The following SMAD2 variants were observed in gnomAD, a reference collection of about 807,000 sequenced individuals.
SMAD2 encodes MAD homolog 2.
Under a neutral mutation model 64.4 loss-of-function variants are expected in SMAD2, and 8 were observed. That is an observed-to-expected ratio of 0.12 (90% CI 0.07 to 0.22). The LOEUF is 0.22. SMAD2 is among the 10% of genes least tolerant of loss of function. The pLI, the probability that SMAD2 is intolerant of heterozygous loss-of-function variation, is 1.00. For missense variants in SMAD2, 289 were observed against 561.2 expected (o/e 0.51, Z 4.90); for synonymous variants, 203 against 195.8 (o/e 1.04, Z -0.31).
At chr18:47,860,965 G>C (rs2031131952) in intron 6 of SMAD2, among the ~76,000 whole-genome samples, 1 of 152,016 alleles carries the variant, frequency 6.6e-6, no homozygotes, top group Admixed American at 6.6e-5. Flanking sequence ...CCTATAATCA[G>C]AACAATGCAA....
chr18:47,925,691 CA>C (rs914114848), intron 1 of SMAD2, among the ~76,000 whole-genome samples: 7 of 151,870 alleles, frequency 4.6e-5, no homozygotes, highest in African/African-American at 9.7e-5. Context: ...ATTTTTAAAC[CA>C]AAAAGGCTAG....
At chr18:47,888,198 GA>G (rs902538085) in intron 2 of SMAD2, among the ~76,000 whole-genome samples, 28 of 143,068 alleles carry the variant, frequency 2.0e-4, no homozygotes, top group South Asian at 4.4e-4. Flanking sequence ...GGAAAAAAGG[GA>G]AAAAAAAAAA....
intron 6 of SMAD2, among the ~76,000 whole-genome samples, chr18:47,852,955 A>C (rs2144323795): frequency 6.6e-6 from 1 of 152,322 alleles, no homozygotes; most frequent in East Asian, 1.9e-4. Flanking sequence ...TTTTATGATC[A>C]TCATTCTCTA....
intron 1 of SMAD2, among the ~76,000 whole-genome samples, chr18:47,902,270 A>G (rs995318105): frequency 7.2e-5 from 11 of 152,092 alleles, no homozygotes; most frequent in African/African-American, 2.4e-4. Flanking sequence ...GCTTTCTTTA[A>G]TCATTTTTAC....
intron 8 of SMAD2, among the ~76,000 whole-genome samples, chr18:47,846,324 CTTCT>C (rs1166234713): frequency 6.6e-6 from 1 of 151,972 alleles, no homozygotes; most frequent in Non-Finnish European, 1.5e-5. Flanking sequence ...TTTTAATATA[CTTCT>C]TTCAGAATCT....
intron 2 of SMAD2, among the ~76,000 whole-genome samples, chr18:47,876,886 C>G (rs1355817365): frequency 6.6e-6 from 1 of 152,008 alleles, no homozygotes; most frequent in Non-Finnish European, 1.5e-5. Context: ...GGTCAATTTA[C>G]TACTTTTTTT....
chr18:47,903,367 AG>A (rs2033766352), intron 1 of SMAD2, among the ~76,000 whole-genome samples: 2 of 145,966 alleles, frequency 1.4e-5, no homozygotes, highest in Admixed American at 1.4e-4. Flanking sequence ...CTAGAGAAAG[AG>A]GGGGTGGGGG....
chr18:47,920,014 G>A (rs1014492027), intron 1 of SMAD2: 5 of 152,062 alleles, frequency 3.3e-5, no homozygotes, highest in African/African-American at 9.7e-5. Context: ...AGTTCAGGAC[G>A]GTATAACAAA....
At chr18:47,853,927 A>G (rs1423401529) in intron 6 of SMAD2, among the ~76,000 whole-genome samples, 6 of 152,192 alleles carry the variant, frequency 3.9e-5, no homozygotes, top group East Asian at 1.9e-4. Flanking sequence ...CCAACTATTC[A>G]TATCTTTTAA....
chr18:47,842,281 C>T (rs936885505), intron 10 of SMAD2, among the ~76,000 whole-genome samples: 5 of 152,142 alleles, frequency 3.3e-5, no homozygotes, highest in African/African-American at 9.7e-5. Context: ...GTGGCTCACA[C>T]CTGTAAGCCC....
chr18:47,879,967 T>C (rs549220316), intron 2 of SMAD2, among the ~76,000 whole-genome samples: 1 of 152,340 alleles, frequency 6.6e-6, no homozygotes, highest in South Asian at 2.1e-4. Context: ...ATTTCTTTAC[T>C]GGACCTTTAT....
intron 6 of SMAD2, among the ~76,000 whole-genome samples, chr18:47,851,873 T>C (rs920398371): frequency 3.0e-4 from 45 of 152,176 alleles, no homozygotes; most frequent in Non-Finnish European, 5.4e-4. Flanking sequence ...TTTGCACGCT[T>C]CCAATCACAT....
Position 47,828,962 on chromosome 18 carries a change from A to AAAAAT in SMAD2, c.*12864_*12865insATTTT, listed in dbSNP as rs34899349. The AAAAAT allele has an allele frequency of 7.0e-6, 1 of 143,652 alleles. No homozygotes were observed. Among genetic ancestry groups the AAAAAT allele is most frequent in the African/African-American group, 2.6e-5 (1 of 38,278 alleles). The allele number at this position is 143,652 out of a possible 1,614,324, so 8.9% of individuals were successfully genotyped here. ...AAAAAAAAAAAAAAAAAAAAAAAAAAGACTTTAGTTCAAGTTGAGACCAAA... is the reference window on the plus strand; with the variant it reads ...AAAAAAAAAAAAAAAAAAAAAAAAAAAAAATGACTTTAGTTCAAGTTGAGACCAAA... On this transcript the variant is annotated 3_prime_UTR_variant, in exon 11 of 11. Coordinates refer to ENST00000262160, the MANE Select transcript of SMAD2 (RefSeq NM_005901.6).
At chr18:47,864,966 T>G in intron 6 of SMAD2, 93 bp downstream of exon 6, 2 of 779,948 alleles carry the variant, frequency 2.6e-6, no homozygotes, top group Non-Finnish European at 4.5e-6. Flanking sequence ...TCTCAACTTC[T>G]CTAAATTTAA....
chr18:47,906,195 G>A (rs1444886066), intron 1 of SMAD2, among the ~76,000 whole-genome samples: 4 of 151,644 alleles, frequency 2.6e-5, no homozygotes, highest in Admixed American at 6.6e-5. Context: ...AATCTAAAAT[G>A]CTCCAAAATC....
chr18:47,828,960 A>C lies in SMAD2; in HGVS notation c.*12867T>G. On this transcript the variant is annotated 3_prime_UTR_variant, in exon 11 of 11. Coordinates refer to ENST00000262160, the MANE Select transcript of SMAD2 (RefSeq NM_005901.6). ...TAAAAAAAAAAAAAAAAAAAAAAAA[A>C]AAGACTTTAGTTCAAGTTGAGACCA... The C allele has an allele frequency of 6.8e-6, 1 of 147,196 alleles. No homozygotes were observed. Among genetic ancestry groups the C allele is most frequent in the Non-Finnish European group, 1.5e-5 (1 of 67,186 alleles). The allele number at this position is 147,196 out of a possible 1,614,324, so 9.1% of individuals were successfully genotyped here.
intron 1 of SMAD2, among the ~76,000 whole-genome samples, chr18:47,919,521 A>G (rs759824805): frequency 7.3e-6 from 1 of 136,856 alleles, no homozygotes; most frequent in Non-Finnish European, 1.6e-5. Context: ...CACACACACA[A>G]AGAATAGGAG....
At chr18:47,926,881 A>G (rs2034788125) in intron 1 of SMAD2, among the ~76,000 whole-genome samples, 1 of 152,156 alleles carries the variant, frequency 6.6e-6, no homozygotes, top group South Asian at 2.1e-4. Context: ...TTGAATTGTG[A>G]TCACTGAATA....
chr18:47,896,823 T>C lies in SMAD2; in HGVS notation c.-53-14A>G, dbSNP rs1028856685. The C allele has an allele frequency of 3.2e-6, 5 of 1,565,410 alleles. No homozygotes were observed. Among genetic ancestry groups the C allele is most frequent in the Non-Finnish European group, 3.5e-6 (4 of 1,156,294 alleles). On this transcript the variant is annotated splice_polypyrimidine_tract_variant and intron_variant, in intron 1 of 10. Coordinates refer to ENST00000262160, the MANE Select transcript of SMAD2 (RefSeq NM_005901.6). ...CTTGTATCGAACCTAGCAGAAATAT[T>C]GAAAGGATGATGTAGAGACTACCTT...
Sources: allele counts gnomAD v4.1 joint callset (sites outside exome capture counted in the v4.1 genomes callset), GRCh38; gene constraint gnomAD v4.1.1; transcripts MANE v1.5; gene names NCBI Gene and HGNC (gene_info 2026-07-23, HGNC 2026-07-21).